The following SPTSSB variants were observed in gnomAD, a reference collection of about 807,000 sequenced individuals.
SPTSSB encodes androgen down regulated in mouse prostate.
SPTSSB carries 6 observed loss-of-function variants against 7.7 expected under a neutral mutation model. The observed-to-expected ratio is 0.78, with a 90% CI of 0.43 to 1.54. The LOEUF (loss-of-function observed/expected upper bound fraction) is 1.54. SPTSSB is among the 40% of genes most tolerant of loss of function. The probability of loss-of-function intolerance (pLI) is 0.01; values close to 1 mark genes in which losing one functional copy is unlikely to be tolerated. For missense variants in SPTSSB, 91 were observed against 93.0 expected, an observed-to-expected ratio of 0.98 and a Z score of 0.09; for synonymous variants, 28 against 29.7, an observed-to-expected ratio of 0.94 and a Z score of 0.19.
chr3:161,367,038 G>A (rs1435990665), intron 1 of SPTSSB, among the ~76,000 whole-genome samples: 7 of 152,232 alleles, frequency 4.6e-5, no homozygotes, highest in East Asian at 3.9e-4. Flanking sequence ...TTAGCTGGGC[G>A]TGGTGGCAGA....
chr3:161,366,969 GT>G (rs1249849055), intron 1 of SPTSSB, among the ~76,000 whole-genome samples: 1 of 152,200 alleles, frequency 6.6e-6, no homozygotes. Context: ...GATGTCAGGA[GT>G]TTGAGACCAG....
chr3:161,346,070 C>A lies in SPTSSB; in HGVS notation c.*23G>T. 8.4e-7 allele frequency: 1 copy of A among 1,187,544 alleles called. No individual in the cohort carries two copies. 73.6% of individuals were successfully genotyped at this position (1,187,544 alleles called of 1,614,324 possible). The stretch of plus-strand genomic sequence containing the variant: ...TAAGCAACATATAAATATGCAATGC[C>A]ATTTCACTGAATGTGAACAGGATCA... On this transcript the variant is annotated 3_prime_UTR_variant, in exon 3 of 3. Transcript: ENST00000620149.
chr3:161,361,407 A>G (rs1364747312), intron 1 of SPTSSB, among the ~76,000 whole-genome samples: 1 of 152,152 alleles, frequency 6.6e-6, no homozygotes, highest in Non-Finnish European at 1.5e-5. Context: ...ACCGATTCTA[A>G]GATAGTATTT....
intron 1 of SPTSSB, among the ~76,000 whole-genome samples, chr3:161,364,959 T>G (rs972817467): frequency 1.3e-5 from 2 of 152,178 alleles, no homozygotes; most frequent in Non-Finnish European, 2.9e-5. Context: ...TTTTTAATAT[T>G]TTTATAGATA....
At chr3:161,358,257 A>C (rs1259220845) in intron 2 of SPTSSB, among the ~76,000 whole-genome samples, 3 of 152,076 alleles carry the variant, frequency 2.0e-5, no homozygotes, top group Non-Finnish European at 4.4e-5. Context: ...TTTAAAGATA[A>C]GGAAACTGAG....
At chr3:161,369,709 T>G (rs1314546390) in intron 1 of SPTSSB, among the ~76,000 whole-genome samples, 3 of 152,042 alleles carry the variant, frequency 2.0e-5, no homozygotes, top group Non-Finnish European at 4.4e-5. Flanking sequence ...CTGGGGATGA[T>G]GAGTAATGCT....
At chr3:161,364,858 A>G (rs1012032434) in intron 1 of SPTSSB, among the ~76,000 whole-genome samples, 1 of 152,094 alleles carries the variant, frequency 6.6e-6, no homozygotes, top group African/African-American at 2.4e-5. Flanking sequence ...TGCTTTGGGC[A>G]TGACATCTTG....
At chr3:161,370,162 T>C (rs1715446544) in intron 1 of SPTSSB, among the ~76,000 whole-genome samples, 1 of 152,226 alleles carries the variant, frequency 6.6e-6, no homozygotes. Flanking sequence ...TGTACAATTA[T>C]AAAGGGCAGT....
At chr3:161,348,441 C>CTAATCTGTATCCAGA (rs1216183312) in intron 2 of SPTSSB, among the ~76,000 whole-genome samples, 1 of 152,186 alleles carries the variant, frequency 6.6e-6, no homozygotes, top group Non-Finnish European at 1.5e-5. Context: ...AGGCATCCAG[C>CTAATCTGTATCCAGA]TAATCTGTAT....
intron 1 of SPTSSB, among the ~76,000 whole-genome samples, chr3:161,366,344 T>C (rs1245856491): frequency 6.6e-6 from 1 of 152,218 alleles, no homozygotes; most frequent in Non-Finnish European, 1.5e-5. Flanking sequence ...TGTTGGGTTC[T>C]GTCTTCCTTA....
intron 2 of SPTSSB, among the ~76,000 whole-genome samples, chr3:161,354,806 C>T (rs776792438): frequency 2.6e-5 from 4 of 152,218 alleles, no homozygotes; most frequent in Non-Finnish European, 4.4e-5. Flanking sequence ...TGGTCATCTT[C>T]TGATAGACTA....
chr3:161,345,211 C>T lies in SPTSSB; in HGVS notation c.*882G>A, dbSNP rs901267215. 1 of 152,580 alleles carries T rather than the reference C, an allele frequency of 6.6e-6. No individual in the cohort carries two copies. The highest frequency in any genetic ancestry group is 2.4e-5 in the African/African-American group (1 of 41,444). 9.5% of individuals were successfully genotyped at this position (152,580 alleles called of 1,614,324 possible). A position where few individuals can be genotyped will look rare whatever the true frequency, so the allele number is the denominator to read the frequency against. On this transcript the variant is annotated 3_prime_UTR_variant, in exon 3 of 3. Coordinates refer to ENST00000620149, the MANE Select transcript of SPTSSB (RefSeq NM_001040100.2). ...AGCATTTAACTGGAGCTGTTGAGTT[C>T]CTGCTGGTAGAATATTACTTCCAGC...
chr3:161,366,546 A>AT (rs1193538461), intron 1 of SPTSSB, among the ~76,000 whole-genome samples: 1 of 151,896 alleles, frequency 6.6e-6, no homozygotes. Flanking sequence ...TTTGTATGTG[A>AT]TTTTACATTT....
chr3:161,354,497 A>G (rs1355703456), intron 2 of SPTSSB, among the ~76,000 whole-genome samples: 1 of 152,134 alleles, frequency 6.6e-6, no homozygotes, highest in East Asian at 1.9e-4. Context: ...ACATGCCACC[A>G]TGCCCAGCTA....
chr3:161,361,915 A>G (rs1169643530), intron 1 of SPTSSB, among the ~76,000 whole-genome samples: 7 of 152,202 alleles, frequency 4.6e-5, no homozygotes, highest in Non-Finnish European at 1.0e-4. Context: ...TTTCCTCCTA[A>G]ATAGAGGTAA....
chr3:161,369,921 C>T (rs1560109377), intron 1 of SPTSSB, among the ~76,000 whole-genome samples: 1 of 152,082 alleles, frequency 6.6e-6, no homozygotes, highest in Non-Finnish European at 1.5e-5. Context: ...ATATTTTCTT[C>T]GTGCTGTATG....
At chr3:161,363,882 A>G (rs336585) in intron 1 of SPTSSB, among the ~76,000 whole-genome samples, 98,398 of 151,826 alleles carry the variant, frequency 0.65, 34,010 homozygotes, top group East Asian at 0.97. Flanking sequence ...TATAAGCTTA[A>G]CATTGTTTTA....
intron 1 of SPTSSB, among the ~76,000 whole-genome samples, chr3:161,369,149 C>T (rs979935112): frequency 3.3e-5 from 5 of 152,118 alleles, no homozygotes; most frequent in Non-Finnish European, 5.9e-5. Context: ...AAACTCTCTT[C>T]TATAGCGATT....
Position 161,345,785 on chromosome 3 carries a change from C to T in SPTSSB, c.*308G>A. 1 of 245,468 alleles carries T rather than the reference C, an allele frequency of 4.1e-6. No individual in the cohort carries two copies. Among genetic ancestry groups the T allele is most frequent in the Non-Finnish European group, 8.1e-6 (1 of 123,956 alleles). 15.2% of individuals were successfully genotyped at this position (245,468 alleles called of 1,614,324 possible). ...GTAGGTCTGTTAGGAGTCTATTTTC[C>T]AGAAAAATTTTGTAGGAAATTGTTC... On this transcript the variant is annotated 3_prime_UTR_variant, in exon 3 of 3. Coordinates refer to ENST00000620149, the MANE Select transcript of SPTSSB (RefSeq NM_001040100.2).
Sources: allele counts gnomAD v4.1 joint callset (sites outside exome capture counted in the v4.1 genomes callset), GRCh38; gene constraint gnomAD v4.1.1; transcripts MANE v1.5; gene names NCBI Gene and HGNC (gene_info 2026-07-23, HGNC 2026-07-21).